The following BTBD7 variants were observed in gnomAD, a reference collection of about 807,000 sequenced individuals.
BTBD7 encodes the protein BTB domain containing 7, also known as BTB/POZ domain-containing protein 7.
A neutral mutation model predicts 99.9 loss-of-function variants in BTBD7; 38 were observed. The observed-to-expected ratio is 0.38, with a 90% CI of 0.29 to 0.50. The LOEUF is 0.50. BTBD7 is among the 20% of genes least tolerant of loss of function. The pLI is 0.93. For missense variants in BTBD7, 1,170 were observed against 1,394.6 expected (o/e 0.84, Z 2.57); for synonymous variants, 520 against 511.4 (o/e 1.02, Z -0.23).
At chr14:93,311,357 G>A (rs1307168641) in intron 1 of BTBD7, among the ~76,000 whole-genome samples, 2 of 152,000 alleles carry the variant, frequency 1.3e-5, no homozygotes. Flanking sequence ...TCTTGCCTTT[G>A]ACTTGGCACT....
At chr14:93,266,137 G>C (rs982466961) in intron 3 of BTBD7, among the ~76,000 whole-genome samples, 5 of 151,838 alleles carry the variant, frequency 3.3e-5, no homozygotes, top group Non-Finnish European at 2.9e-5. Context: ...ATGATGGTTG[G>C]CTTAACTGGA....
intron 1 of BTBD7, among the ~76,000 whole-genome samples, chr14:93,330,044 T>G (rs916324183): frequency 6.6e-6 from 1 of 152,208 alleles, no homozygotes; most frequent in Non-Finnish European, 1.5e-5. Flanking sequence ...GATCTCCTAT[T>G]TGGGTTACTA....
Position 93,253,699 on chromosome 14 carries a change from G to A in BTBD7, c.1700C>T (p.Ala567Val). The change falls in exon 7 of 11, where the codon GCT (alanine) becomes GTT (valine). Residue 567 changes from alanine to valine, a missense_variant. Around this residue, in one of 4 missense-constraint regions of BTBD7, gnomAD observed 309 missense variants for 342.0 expected, o/e 0.90. Coordinates refer to ENST00000334746, the MANE Select transcript of BTBD7 (RefSeq NM_001002860.4). The part of the protein sequence containing the change: ...KSNAWLRQKN[A>V]GIYVRPRLFS... ...GAGTCGAGGACGAACATAGATGCCA[G>A]CATTTTTTTGCCGTAACCAGGCATT... The A allele has an allele frequency of 4.3e-6, 7 of 1,613,382 alleles. No homozygotes were observed. The highest frequency in any genetic ancestry group is 5.9e-6 in the Non-Finnish European group (7 of 1,179,570).
chr14:93,253,122 A>T (rs1199957718), intron 7 of BTBD7, among the ~76,000 whole-genome samples: 1 of 152,212 alleles, frequency 6.6e-6, no homozygotes, highest in Non-Finnish European at 1.5e-5. Flanking sequence ...TTTCTGGGAC[A>T]GTTCTTTATG....
chr14:93,261,707 T>G (rs2052491113), intron 4 of BTBD7, 30 bp from the exon 5 acceptor site: 2 of 1,508,068 alleles, frequency 1.3e-6, no homozygotes, highest in Non-Finnish European at 1.8e-6. Flanking sequence ...ATATTTATTT[T>G]AGTGAAATTA....
intron 1 of BTBD7, among the ~76,000 whole-genome samples, chr14:93,317,387 A>AG (rs1491349354): frequency 9.9e-5 from 15 of 150,942 alleles, no homozygotes; most frequent in Admixed American, 9.9e-4. Flanking sequence ...TAAGAGAAAC[A>AG]GGGTTTGGTA....
intron 3 of BTBD7, among the ~76,000 whole-genome samples, chr14:93,275,761 G>A (rs549139687): frequency 1.3e-5 from 2 of 152,256 alleles, no homozygotes; most frequent in Non-Finnish European, 2.9e-5. Flanking sequence ...TCTGTTCACT[G>A]AAACACATCT....
intron 3 of BTBD7, chr14:93,287,596 T>C (rs2052795379): frequency 1.3e-5 from 2 of 152,208 alleles, no homozygotes; most frequent in Admixed American, 6.5e-5. Flanking sequence ...TTATTGCTAA[T>C]TCTTCATAAA....
intron 3 of BTBD7, among the ~76,000 whole-genome samples, chr14:93,276,154 T>C (rs2052654584): frequency 1.3e-5 from 2 of 152,176 alleles, no homozygotes; most frequent in Admixed American, 6.5e-5. Context: ...AGGTCAAGGT[T>C]GCAGTGAGCT....
chr14:93,299,246 T>G (rs2052964757), intron 1 of BTBD7, among the ~76,000 whole-genome samples: 1 of 152,174 alleles, frequency 6.6e-6, no homozygotes, highest in Non-Finnish European at 1.5e-5. Context: ...TCCTCACAAT[T>G]AACTCAGGGA....
Position 93,288,215 on chromosome 14 carries a change from A to G in BTBD7, c.1162+5643T>C, listed in dbSNP as rs2052803948. On this transcript the variant is annotated intron_variant, in intron 3 of 10. Coordinates refer to ENST00000334746, the MANE Select transcript of BTBD7 (RefSeq NM_001002860.4). ...TCCTTTAGTTTTGGAAATATTTCTT[A>G]TATTACTCCTTAGATACTGTCTTCT... 1.2e-5 allele frequency: 4 copies of G among 343,154 alleles called. No homozygotes were observed. In the Admixed American group the frequency reaches 1.8e-4, roughly 16 times the overall value. The allele number at this position is 343,154 out of a possible 1,614,324, so 21.3% of individuals were successfully genotyped here. A position where few individuals can be genotyped will look rare whatever the true frequency, so the allele number is the denominator to read the frequency against.
At chr14:93,287,766 G>A (rs1026887731) in intron 3 of BTBD7, 5 of 152,226 alleles carry the variant, frequency 3.3e-5, no homozygotes, top group African/African-American at 1.2e-4. Flanking sequence ...TGGCTGATGC[G>A]TGGGATCTCC....
chr14:93,262,589 G>A (rs1375346967), intron 4 of BTBD7, among the ~76,000 whole-genome samples: 3 of 152,096 alleles, frequency 2.0e-5, no homozygotes. Context: ...TGTAAGTATA[G>A]GGTATAGGCA....
intron 1 of BTBD7, among the ~76,000 whole-genome samples, chr14:93,331,881 C>CG (rs1566870847): frequency 6.9e-6 from 1 of 144,526 alleles, no homozygotes; most frequent in African/African-American, 2.8e-5. Flanking sequence ...ACTCCGTCTC[C>CG]CCCCCCCCAA....
rs376812979 is a variant in BTBD7, at chr14:93,245,955, G to A, written c.2453C>T (p.Pro818Leu). The change falls in exon 10 of 11, where the codon CCG becomes CTG. Residue 818 changes from proline to leucine, a missense_variant. Around this residue, in one of 4 missense-constraint regions of BTBD7, gnomAD observed 495 missense variants for 525.9 expected, o/e 0.94. Transcript: ENST00000334746. The part of the protein sequence containing the change: ...PKAGPPPVYL[P>L]SVKAAPPDCT... The stretch of plus-strand genomic sequence containing the variant: ...ATCAGGCGGTGCAGCTTTCACACTC[G>A]GCAAGTAGACTGGGGGAGGGCCAGC... The A allele has an allele frequency of 1.5e-5, 25 of 1,614,028 alleles. No individual in the cohort carries two copies. Among genetic ancestry groups the A allele is most frequent in the South Asian group, 6.6e-5 (6 of 91,084 alleles).
chr14:93,315,275 T>A (rs188870477), intron 1 of BTBD7, among the ~76,000 whole-genome samples: 1 of 148,612 alleles, frequency 6.7e-6, no homozygotes, highest in African/African-American at 2.4e-5. Flanking sequence ...TATTATTGTT[T>A]CAAGTCATTT....
intron 1 of BTBD7, among the ~76,000 whole-genome samples, chr14:93,309,966 T>G (rs1566861027): frequency 3.4e-5 from 2 of 58,494 alleles, no homozygotes; most frequent in Non-Finnish European, 6.1e-5. Flanking sequence ...TTGGCAGGTG[T>G]TTTTTTTTCC....
intron 1 of BTBD7, among the ~76,000 whole-genome samples, chr14:93,326,042 T>G (rs934340856): frequency 1.3e-5 from 2 of 152,056 alleles, no homozygotes; most frequent in African/African-American, 4.8e-5. Flanking sequence ...ATTTTAAAAT[T>G]AAAAAAACAA....
In BTBD7 at chr14:93,242,929, T is replaced by C; in HGVS notation, c.2743A>G (p.Ile915Val). Residue 915 changes from isoleucine (I) to valine (V), a missense_variant, in exon 11 of 11, where the codon ATT becomes GTT. Around this residue, in one of 4 missense-constraint regions of BTBD7, gnomAD observed 495 missense variants for 525.9 expected, o/e 0.94. Transcript: ENST00000334746. ...GAAGTGTGTGTATGTCTCTGTGGAA[T>C]ACACGACAGATGCTGGGGAGGCCCT... ...GPGPPQHLSC[I>V]PQRHTHTSRK... The C allele has an allele frequency of 6.2e-7, 1 of 1,614,166 alleles. No homozygotes were observed. Among genetic ancestry groups the C allele is most frequent in the South Asian group, 1.1e-5 (1 of 91,078 alleles).
Sources: gnomAD v4.1 joint callset for allele counts (sites outside exome capture counted in the v4.1 genomes callset) on GRCh38, gnomAD v4.1.1 for gene constraint, gnomAD v4.1.1 regional missense constraint, MANE v1.5 for transcripts, NCBI Gene and HGNC (gene_info 2026-07-23, HGNC 2026-07-21) for gene names.